Variants in TMEM223 observed in about 807,000 individuals in gnomAD.
The protein encoded by TMEM223 is transmembrane protein 223.
TMEM223 carries 14 observed loss-of-function variants against 14.1 expected under a neutral mutation model. The observed-to-expected ratio is 0.99, with a 90% CI of 0.66 to 1.55. The LOEUF (loss-of-function observed/expected upper bound fraction) is 1.55. Ranked by LOEUF, TMEM223 falls within the 40% of genes most tolerant of loss-of-function variation. The pLI, the probability that TMEM223 is intolerant of heterozygous loss-of-function variation, is 0.00. For missense variants in TMEM223, 346 were observed against 269.9 expected, an observed-to-expected ratio of 1.28 and a Z score of -1.97; for synonymous variants, 145 against 120.5, an observed-to-expected ratio of 1.20 and a Z score of -1.33.
In TMEM223 at chr11:62,790,741, G is replaced by A. The variant is rs747316749; in HGVS notation, c.491C>T (p.Pro164Leu). ...TTTGACTTTCAGAGGTAGCATGGCA[G>A]GGACTTCACCCCGGTGGGCCATGCA... is the stretch of plus-strand genomic sequence containing the variant. Reference protein sequence around the residue: ...VSCMAHRGEVPAMLPLKVKGR... With the variant: ...VSCMAHRGEVLAMLPLKVKGR... The change falls in exon 2 of 2, where the codon CCT becomes CTT. Residue 164 changes from proline (P) to leucine (L), a missense_variant. By Grantham distance (98) the Pro-to-Leu change is moderately conservative (BLOSUM62 -3). Coordinates refer to ENST00000307366, the MANE Select transcript of TMEM223 (RefSeq NM_001080501.3). The A allele has an allele frequency of 1.2e-6, 2 of 1,611,142 alleles. No homozygotes were observed. Among genetic ancestry groups the A allele is most frequent in the Non-Finnish European group, 1.7e-6 (2 of 1,178,620 alleles).
At position 62,791,927 on chromosome 11, in the gene TMEM223, C is replaced by T; in HGVS notation, c.68G>A (p.Arg23Gln). 2 of 1,598,218 alleles carry T rather than the reference C, an allele frequency of 1.3e-6. No homozygotes were observed. Among genetic ancestry groups the T allele is most frequent in the South Asian group, 1.1e-5 (1 of 88,510 alleles). The part of the protein sequence containing the change: ...LAVLRPLLTC[R>Q]PLQGTTLQRD... ...TTGCAGCGTCGTGCCTTGCAGGGGC[C>T]GGCAGGTGAGCAGGGGCCGCAGCAC... The change falls in exon 1 of 2, where the codon CGG becomes CAG. Residue 23 changes from arginine to glutamine, a missense_variant. By Grantham distance (43) the Arg-to-Gln change is conservative (BLOSUM62 1). Coordinates refer to ENST00000307366, the MANE Select transcript of TMEM223 (RefSeq NM_001080501.3).
rs747062048 is a variant in TMEM223 at position 62,790,884 on chromosome 11, GAA to G, written c.346_347del (p.Phe116LeufsTer46). The G allele has an allele frequency of 4.4e-6, 7 of 1,599,130 alleles. No homozygotes were observed. Among genetic ancestry groups the G allele is most frequent in the Non-Finnish European group, 1.7e-6 (2 of 1,170,908 alleles). On this transcript the variant is annotated frameshift_variant, in exon 2 of 2. Coordinates refer to ENST00000307366, the MANE Select transcript of TMEM223 (RefSeq NM_001080501.3). LOFTEE classifies it high-confidence loss of function. ...GALVLGAGLLFSLRSVRSVVL... is the reference protein window; with the variant it reads ...GALVLGAGLLXSLRSVRSVVL... The stretch of plus-strand genomic sequence containing the variant: ...CCACTGAGCGCACAGACCGGAGAGA[GAA>G]GAGAAGACCAGCACCGAGTACGAGG...
chr11:62,772,852 CT>C (rs35555640), intron 2 of TMEM223, among the ~76,000 whole-genome samples: 15,648 of 142,506 alleles, frequency 0.11, 1,902 homozygotes, highest in African/African-American at 0.3. Context: ...TTTAGAAGAT[CT>C]TTTTTTTTTG....
At chr11:62,771,977 G>A (rs2084151534) in exon 3 of TMEM223, 2 of 391,050 alleles carry the variant, frequency 5.1e-6, no homozygotes, top group Admixed American at 6.2e-5. Flanking sequence ...TCCAGGCCTT[G>A]TTCCCCATAC....
intron 1 of TMEM223, chr11:62,778,359 G>A (rs556110489): frequency 5.0e-6 from 8 of 1,614,082 alleles, no homozygotes; most frequent in Non-Finnish European, 6.8e-6. Context: ...TAGGAAACAG[G>A]CTCTTTGGAT....
rs758107380 is a variant in TMEM223 at position 62,790,070 on chromosome 11, C to T, written c.*553G>A. On this transcript the variant is annotated 3_prime_UTR_variant, in exon 2 of 2. Coordinates refer to ENST00000307366, the MANE Select transcript of TMEM223 (RefSeq NM_001080501.3). ...TGAAGAATAAGCGGAGTGCTTCCTG[C>T]AGCCGAAGACTCCATGCCCAAGTGC... The T allele has an allele frequency of 1.9e-6, 3 of 1,584,124 alleles. No individual in the cohort carries two copies. The highest frequency in any genetic ancestry group is 1.7e-6 in the Non-Finnish European group (2 of 1,163,894).
At chr11:62,776,075 T>C in intron 1 of TMEM223, 1 of 1,155,094 alleles carries the variant, frequency 8.7e-7, no homozygotes, top group South Asian at 1.6e-5. Context: ...GAACTCTACT[T>C]GTAGCTGTCT....
At chr11:62,784,455 C>T (rs1025842699), downstream of TMEM223, among the ~76,000 whole-genome samples, 38 of 151,336 alleles carry the variant, frequency 2.5e-4, no homozygotes, top group Non-Finnish European at 4.1e-4. Flanking sequence ...TACAGGCGCC[C>T]GCCACCATGC....
chr11:62,791,924 G>T lies in TMEM223; in HGVS notation c.71C>A (p.Pro24His). The change falls in exon 1 of 2, where the codon CCC (proline) becomes CAC (histidine). Residue 24 changes from proline to histidine, a missense_variant. Physicochemically the swap from Pro to His is moderately conservative, Grantham distance 77. Transcript: ENST00000307366. ...AVLRPLLTCRPLQGTTLQRDV... is the reference protein window; with the variant it reads ...AVLRPLLTCRHLQGTTLQRDV... ...CCGTTGCAGCGTCGTGCCTTGCAGG[G>T]GCCGGCAGGTGAGCAGGGGCCGCAG... 6.3e-7 allele frequency: 1 copy of T among 1,598,690 alleles called. No individual in the cohort carries two copies. Among genetic ancestry groups the T allele is most frequent in the Non-Finnish European group, 8.5e-7 (1 of 1,173,256 alleles).
chr11:62,772,915 T>C (rs2084160201), intron 2 of TMEM223, among the ~76,000 whole-genome samples: 1 of 151,956 alleles, frequency 6.6e-6, no homozygotes, highest in Non-Finnish European at 1.5e-5. Flanking sequence ...TTTAGCTCTG[T>C]CATCCAGGCT....
rs2084345865 is a variant in TMEM223 at position 62,790,371 on chromosome 11, T to A, written c.*252A>T. 1 of 552,710 alleles carries A rather than the reference T, an allele frequency of 1.8e-6. No individual in the cohort carries two copies. Among genetic ancestry groups the A allele is most frequent in the African/African-American group, 1.9e-5 (1 of 52,748 alleles). 34.2% of individuals were successfully genotyped at this position (552,710 alleles called of 1,614,324 possible). On this transcript the variant is annotated 3_prime_UTR_variant, in exon 2 of 2. Coordinates refer to ENST00000307366, the MANE Select transcript of TMEM223 (RefSeq NM_001080501.3). ...CTAGGGATGACTGCTCCTTTATTTG[T>A]TGTTAATGAATCTTGACCTCCTTGT... is the stretch of plus-strand genomic sequence containing the variant.
At chr11:62,786,645 C>T (rs1040833191), downstream of TMEM223, 13 of 1,603,806 alleles carry the variant, frequency 8.1e-6, no homozygotes, top group South Asian at 1.1e-5. Flanking sequence ...AAGAGTCGTC[C>T]TCCGGGGGCG....
At chr11:62,782,487 G>T in intron 1 of TMEM223, 1 of 1,038,706 alleles carries the variant, frequency 9.6e-7, no homozygotes, top group South Asian at 1.6e-5. Flanking sequence ...GTGACACACT[G>T]GGATTCTGAA....
rs1414740211 is a variant in TMEM223 at position 62,790,675 on chromosome 11, AAGTGTCC to A, written c.550_556del (p.Gly184SerfsTer34). 1 of 1,612,256 alleles carries A rather than the reference AAGTGTCC, an allele frequency of 6.2e-7. No homozygotes were observed. Among genetic ancestry groups the A allele is most frequent in the Non-Finnish European group, 8.5e-7 (1 of 1,179,164 alleles). On this transcript the variant is annotated frameshift_variant, in exon 2 of 2. Coordinates refer to ENST00000307366, the MANE Select transcript of TMEM223 (RefSeq NM_001080501.3). LOFTEE classifies it high-confidence loss of function. ...ATTGTCAAAGAGTTTTGTGTTAGGG[AAGTGTCC>A]AGTTTTGTCCAAGAGGAAATAGAAG...
chr11:62,788,886 C>T, downstream of TMEM223: 1 of 982,532 alleles, frequency 1.0e-6, no homozygotes, highest in Non-Finnish European at 1.5e-6. Context: ...ATCCCTGTCC[C>T]AGAAATAGGA....
At chr11:62,787,648 G>T, downstream of TMEM223, 1 of 1,265,538 alleles carries the variant, frequency 7.9e-7, no homozygotes, top group Non-Finnish European at 1.1e-6. Flanking sequence ...GGTGAGGCAC[G>T]GCTGGCGCCG....
rs751730720 is a variant in TMEM223 at position 62,790,923 on chromosome 11, C to T, written c.317-8G>A. 6.4e-7 allele frequency: 1 copy of T among 1,558,890 alleles called. No individual in the cohort carries two copies. Among genetic ancestry groups the T allele is most frequent in the South Asian group, 1.2e-5 (1 of 84,562 alleles). On this transcript the variant is annotated splice_region_variant and splice_polypyrimidine_tract_variant and intron_variant, in intron 1 of 1. Coordinates refer to ENST00000307366, the MANE Select transcript of TMEM223 (RefSeq NM_001080501.3). ...CACCGAGTACGAGGGCTCCTGCAGG[C>T]AGGGCAGAGATTGGGGTGAGGGGTT...
chr11:62,779,075 C>A (rs1203129251), intron 1 of TMEM223: 2 of 867,474 alleles, frequency 2.3e-6, no homozygotes, highest in African/African-American at 1.7e-5. Flanking sequence ...GGCTGGAGTG[C>A]AATGGCATGA....
At chr11:62,789,415 C>T, downstream of TMEM223, 1 of 1,613,904 alleles carries the variant, frequency 6.2e-7, no homozygotes, top group Non-Finnish European at 8.5e-7. Context: ...TCTCCTTGAA[C>T]ACTACAATTA....
Sources: gnomAD v4.1 joint callset for allele counts (sites outside exome capture counted in the v4.1 genomes callset) on GRCh38, gnomAD v4.1.1 for gene constraint, MANE v1.5 for transcripts, NCBI Gene and HGNC (gene_info 2026-07-23, HGNC 2026-07-21) for gene names.